Variants in PPP3CA observed in about 807,000 individuals in gnomAD.
The protein encoded by PPP3CA is protein phosphatase 3 catalytic subunit alpha.
PPP3CA carries 14 observed loss-of-function variants against 66.5 expected under a neutral mutation model. The ratio of observed to expected loss-of-function variants is 0.21; its 90% CI spans 0.14 to 0.33. The LOEUF (loss-of-function observed/expected upper bound fraction) is 0.33, where lower values mean the gene tolerates loss of function less well. Ranked by LOEUF, PPP3CA falls within the 10% of genes least tolerant of loss-of-function variation. The pLI is 1.00. For synonymous variants in PPP3CA, 232 were observed against 226.2 expected (o/e 1.03, Z -0.23); for missense variants, 317 against 639.5 (o/e 0.50, Z 5.44).
chr4:101,266,658 C>A (rs1221200801), intron 1 of PPP3CA, among the ~76,000 whole-genome samples: 1 of 152,034 alleles, frequency 6.6e-6, no homozygotes, highest in Non-Finnish European at 1.5e-5. Context: ...TCAGAGATGA[C>A]TGGATGAGAA....
intron 10 of PPP3CA, among the ~76,000 whole-genome samples, chr4:101,057,156 G>A (rs1289419176): frequency 1.3e-5 from 2 of 151,830 alleles, no homozygotes; most frequent in Non-Finnish European, 2.9e-5. Context: ...CCGGGTTCAA[G>A]CGATTCTTGT....
intron 7 of PPP3CA, among the ~76,000 whole-genome samples, chr4:101,082,549 T>C (rs1235184766): frequency 1.3e-5 from 2 of 152,238 alleles, no homozygotes; most frequent in East Asian, 1.9e-4. Flanking sequence ...GTAGATTTAA[T>C]ATACTATTAA....
chr4:101,200,726 T>C (rs1317042678), intron 1 of PPP3CA, among the ~76,000 whole-genome samples: 1 of 152,156 alleles, frequency 6.6e-6, no homozygotes, highest in African/African-American at 2.4e-5. Context: ...TACACAATCC[T>C]GGTGCTTTCT....
chr4:101,330,810 G>A (rs1052491286), intron 1 of PPP3CA, among the ~76,000 whole-genome samples: 1 of 152,032 alleles, frequency 6.6e-6, no homozygotes, highest in Non-Finnish European at 1.5e-5. Context: ...TAACCTAGGG[G>A]AAAAACTTAA....
chr4:101,106,625 C>A (rs562359991), intron 3 of PPP3CA, among the ~76,000 whole-genome samples: 1 of 152,058 alleles, frequency 6.6e-6, no homozygotes, highest in Admixed American at 6.6e-5. Flanking sequence ...TGGCCACATA[C>A]GAAATCACCT....
chr4:101,263,389 C>T (rs1030727110), intron 1 of PPP3CA, among the ~76,000 whole-genome samples: 1 of 152,092 alleles, frequency 6.6e-6, no homozygotes, highest in African/African-American at 2.4e-5. Context: ...CCATTCTTGT[C>T]CCTGTTACTG....
chr4:101,058,580 A>G (rs1728324843), intron 10 of PPP3CA, among the ~76,000 whole-genome samples: 1 of 152,196 alleles, frequency 6.6e-6, no homozygotes, highest in South Asian at 2.1e-4. Flanking sequence ...GGACCTTAAG[A>G]CAAACATGCA....
intron 1 of PPP3CA, among the ~76,000 whole-genome samples, chr4:101,247,275 C>T (rs932586090): frequency 6.6e-6 from 1 of 151,998 alleles, no homozygotes; most frequent in South Asian, 2.1e-4. Context: ...AATTCTTCTG[C>T]CTCAGCCTCC....
At chr4:101,050,219 A>C (rs1359221088) in intron 10 of PPP3CA, among the ~76,000 whole-genome samples, 1 of 152,088 alleles carries the variant, frequency 6.6e-6, no homozygotes, top group Non-Finnish European at 1.5e-5. Flanking sequence ...ACGCATAGTA[A>C]AGTAGAGCAG....
In PPP3CA at chr4:101,043,804, GGCAGAGGTTGCGGTGA is replaced by G. The variant is rs918129862; in HGVS notation, c.1157-3254_1157-3239del. On this transcript the variant is annotated intron_variant, in intron 10 of 13. Transcript: ENST00000394854. ...GCAGGAGAATCGGTTGAACCTGGGA[GGCAGAGGTTGCGGTGA>G]GCCGAGATTGTGCCATTGCACTCCA... is the stretch of plus-strand genomic sequence containing the variant. Among the ~76,000 whole-genome samples, 79 of 152,280 alleles carry G rather than the reference GGCAGAGGTTGCGGTGA, an allele frequency of 5.2e-4. 2 individuals carry two copies. The East Asian group carries it at 9.7e-3, about 19-fold the overall frequency.
chr4:101,239,960 A>G (rs1726248322), intron 1 of PPP3CA, among the ~76,000 whole-genome samples: 1 of 150,124 alleles, frequency 6.7e-6, no homozygotes, highest in Non-Finnish European at 1.5e-5. Context: ...AGCAAATATA[A>G]TCTAGCATCA....
chr4:101,068,201 C>T lies in PPP3CA; in HGVS notation c.956-4844G>A, dbSNP rs114602434. On this transcript the variant is annotated intron_variant, in intron 8 of 13. Coordinates refer to ENST00000394854, the MANE Select transcript of PPP3CA (RefSeq NM_000944.5). ...AAAAGAAACAAAGATGAGAAGAAAC[C>T]GAATGGGGGCATTCCAGAATCATAA... Among the ~76,000 whole-genome samples the T allele has an allele frequency of 1.1e-3, 165 of 152,168 alleles. 1 individual carries two copies. The highest frequency in any genetic ancestry group is 3.7e-3 in the African/African-American group (154 of 41,518).
intron 3 of PPP3CA, among the ~76,000 whole-genome samples, chr4:101,104,074 C>T (rs1730555449): frequency 6.6e-6 from 1 of 151,968 alleles, no homozygotes; most frequent in African/African-American, 2.4e-5. Flanking sequence ...TGTGTACTGC[C>T]CAGAGCACAT....
intron 1 of PPP3CA, among the ~76,000 whole-genome samples, chr4:101,317,036 C>T (rs576632144): frequency 1.3e-5 from 2 of 151,936 alleles, no homozygotes; most frequent in South Asian, 4.2e-4. Flanking sequence ...GTATTTTTCC[C>T]CAATATTCCA....
intron 2 of PPP3CA, among the ~76,000 whole-genome samples, chr4:101,185,463 T>C (rs1262588316): frequency 1.3e-5 from 2 of 152,172 alleles, no homozygotes; most frequent in Non-Finnish European, 2.9e-5. Flanking sequence ...TTTTGAAACA[T>C]GGTCATGTGG....
intron 10 of PPP3CA, among the ~76,000 whole-genome samples, chr4:101,060,470 G>T (rs1728414470): frequency 1.3e-5 from 2 of 152,156 alleles, no homozygotes; most frequent in South Asian, 4.1e-4. Context: ...AAGACTCAGG[G>T]TAATTTTCCC....
At chr4:101,090,904 GTCTATATTATAATATACACACATA>G (rs1729902065) in intron 6 of PPP3CA, among the ~76,000 whole-genome samples, 2 of 97,594 alleles carry the variant, frequency 2.0e-5, no homozygotes, top group Non-Finnish European at 2.1e-5. Flanking sequence ...ACATATCTGT[GTCTATATTATAATATACACACATA>G]TCTGTGTCTA....
At chr4:101,032,806 T>C (rs1005913703) in intron 11 of PPP3CA, among the ~76,000 whole-genome samples, 3 of 152,136 alleles carry the variant, frequency 2.0e-5, no homozygotes, top group Non-Finnish European at 2.9e-5. Context: ...CATATGGAGA[T>C]TGAAAAAAAA....
Position 101,036,201 on chromosome 4 carries a change from A to AGTTTCT in PPP3CA, c.1242-3843_1242-3838dup, listed in dbSNP as rs1727240209. 3.9e-5 allele frequency among the ~76,000 whole-genome samples: 6 copies of AGTTTCT among 152,282 alleles called. No individual in the cohort carries two copies. In the South Asian group the frequency reaches 1.2e-3, roughly 32 times the overall value. On this transcript the variant is annotated intron_variant, in intron 11 of 13. Coordinates refer to ENST00000394854, the MANE Select transcript of PPP3CA (RefSeq NM_000944.5). ...CAGACTGTATTATAATAATTTCTTT[A>AGTTTCT]GTTTCTGTTTCTACCCCTTTTACTG...
Sources: gnomAD v4.1 joint callset for allele counts (sites outside exome capture counted in the v4.1 genomes callset) on GRCh38, gnomAD v4.1.1 for gene constraint, MANE v1.5 for transcripts, NCBI Gene and HGNC (gene_info 2026-07-23, HGNC 2026-07-21) for gene names.